Variants in UBR3 observed in about 807,000 individuals in gnomAD.
UBR3 encodes the protein ubiquitin protein ligase E3 component n-recognin 3.
Under a neutral mutation model 243.2 loss-of-function variants are expected in UBR3, and 85 were observed. That is an observed-to-expected ratio of 0.35 (90% CI 0.29 to 0.42). The LOEUF is 0.42. Ranked by LOEUF, UBR3 falls within the 10% of genes least tolerant of loss-of-function variation. The pLI, the probability that UBR3 is intolerant of heterozygous loss-of-function variation, is 1.00. For missense variants in UBR3, 1,686 were observed against 2,300.8 expected (o/e 0.73, Z 5.47); for synonymous variants, 748 against 799.8 (o/e 0.94, Z 1.09).
At chr2:169,869,698 C>T (rs909238318) in intron 1 of UBR3, among the ~76,000 whole-genome samples, 11 of 152,102 alleles carry the variant, frequency 7.2e-5, no homozygotes, top group Non-Finnish European at 1.2e-4. Context: ...TCAGTTATTT[C>T]ACTAGATATC....
At chr2:169,839,473 TG>T (rs1397543487) in intron 1 of UBR3, among the ~76,000 whole-genome samples, 1 of 151,826 alleles carries the variant, frequency 6.6e-6, no homozygotes, top group African/African-American at 2.4e-5. Flanking sequence ...GTAGGGTAAC[TG>T]TAGTTTACAA....
At chr2:169,841,325 A>G (rs1444051352) in intron 1 of UBR3, among the ~76,000 whole-genome samples, 1 of 152,052 alleles carries the variant, frequency 6.6e-6, no homozygotes, top group Non-Finnish European at 1.5e-5. Flanking sequence ...ATAGCTCTTA[A>G]ATTTTGCCTT....
At chr2:169,861,405 T>C (rs1367953880) in intron 1 of UBR3, among the ~76,000 whole-genome samples, 6 of 152,112 alleles carry the variant, frequency 3.9e-5, no homozygotes. Flanking sequence ...GTCAGGAGTT[T>C]GAGACCAGCC....
intron 22 of UBR3, 160 bp downstream of exon 22, chr2:169,947,875 C>T (rs1574263866): frequency 1.0e-6 from 1 of 984,990 alleles, no homozygotes. Flanking sequence ...TAACTTCTAC[C>T]TTACCAGTCT....
chr2:170,052,526 A>G (rs1227997644), intron 32 of UBR3, among the ~76,000 whole-genome samples: 1 of 152,242 alleles, frequency 6.6e-6, no homozygotes, highest in Non-Finnish European at 1.5e-5. Flanking sequence ...CTTAAAAAAG[A>G]AGGAAATCTT....
intron 35 of UBR3, among the ~76,000 whole-genome samples, chr2:170,065,413 A>G (rs1260657266): frequency 4.6e-5 from 7 of 152,006 alleles, no homozygotes; most frequent in African/African-American, 1.7e-4. Flanking sequence ...CAGCCTCCCA[A>G]GTAGCTCGGA....
chr2:169,982,200 C>T (rs891508587), intron 24 of UBR3, among the ~76,000 whole-genome samples: 8 of 152,096 alleles, frequency 5.3e-5, no homozygotes, highest in African/African-American at 1.9e-4. Context: ...GTTGCTTATT[C>T]CTCTTTCAAA....
chr2:169,950,064 A>C lies in UBR3; in HGVS notation c.3544A>C (p.Arg1182=). The C allele has an allele frequency of 6.5e-7, 1 of 1,540,730 alleles. No homozygotes were observed. Among genetic ancestry groups the C allele is most frequent in the African/African-American group, 1.4e-5 (1 of 71,966 alleles). The part of the protein sequence containing the change: ...AEKKTLDKEE[R]RQKARERQQK... ...GAAGAAAACATTGGACAAAGAAGAA[A>C]GGTAATTTTTATTTTTAATGTTTTA... The change falls in exon 23 of 39, where the codon AGG becomes CGG. Residue 1182 remains arginine (R), a splice_region_variant and synonymous_variant. Transcript: ENST00000272793.
intron 31 of UBR3, among the ~76,000 whole-genome samples, chr2:170,032,856 G>A (rs1489330776): frequency 5.9e-5 from 9 of 151,696 alleles, no homozygotes; most frequent in Non-Finnish European, 2.9e-5. Flanking sequence ...TTTACCCTTC[G>A]TAATTACTAA....
At chr2:170,006,922 G>A in intron 27 of UBR3, 68 bp from the exon 28 acceptor site, 1 of 1,276,016 alleles carries the variant, frequency 7.8e-7, no homozygotes, top group Non-Finnish European at 1.1e-6. Context: ...ACTATAAAAT[G>A]GGTGGTATAA....
chr2:170,010,607 G>T (rs2090054662), intron 29 of UBR3, among the ~76,000 whole-genome samples: 1 of 152,154 alleles, frequency 6.6e-6, no homozygotes, highest in African/African-American at 2.4e-5. Flanking sequence ...TCTGGATCAA[G>T]ACATTTTGGT....
chr2:169,988,234 G>A (rs536675736), intron 25 of UBR3, among the ~76,000 whole-genome samples: 10 of 152,234 alleles, frequency 6.6e-5, no homozygotes, highest in Non-Finnish European at 1.2e-4. Context: ...GTAATGATTT[G>A]TTTTATTCAT....
intron 8 of UBR3, 90 bp downstream of exon 8, chr2:169,896,825 T>C (rs777021081): frequency 2.3e-6 from 2 of 861,294 alleles, no homozygotes; most frequent in South Asian, 6.3e-5. Context: ...GTAATATTAC[T>C]AATAATGATA....
chr2:169,946,945 T>C (rs1427358917), intron 21 of UBR3, among the ~76,000 whole-genome samples: 12 of 152,128 alleles, frequency 7.9e-5, no homozygotes, highest in Non-Finnish European at 1.5e-4. Flanking sequence ...TTCAGGACTT[T>C]AGAAGTATTG....
chr2:170,057,690 C>T (rs1217965181), intron 33 of UBR3, among the ~76,000 whole-genome samples: 5 of 151,736 alleles, frequency 3.3e-5, no homozygotes, highest in Non-Finnish European at 5.9e-5. Context: ...TTCTGAACCT[C>T]GTAATTGTTA....
intron 32 of UBR3, among the ~76,000 whole-genome samples, chr2:170,052,577 C>T (rs1183172178): frequency 6.6e-6 from 1 of 152,118 alleles, no homozygotes; most frequent in Non-Finnish European, 1.5e-5. Flanking sequence ...GGACATTATG[C>T]TAAATGAAAT....
At chr2:170,043,436 CAG>C (rs2091014547) in intron 32 of UBR3, among the ~76,000 whole-genome samples, 1 of 152,018 alleles carries the variant, frequency 6.6e-6, no homozygotes, top group Admixed American at 6.6e-5. Context: ...TCAGTAGAAA[CAG>C]AGTTTAAAAA....
chr2:170,024,245 T>C (rs1024127089), intron 30 of UBR3, among the ~76,000 whole-genome samples: 10 of 145,430 alleles, frequency 6.9e-5, no homozygotes, highest in African/African-American at 2.3e-4. Context: ...TCCCAGCTAC[T>C]GGGGAGGCTG....
intron 24 of UBR3, chr2:169,964,361 A>C (rs1007716275): frequency 2.2e-6 from 1 of 461,584 alleles, no homozygotes. Context: ...ACTTTAAGAA[A>C]TTGTTTTTAT....
Sources: allele counts gnomAD v4.1 joint callset (sites outside exome capture counted in the v4.1 genomes callset), GRCh38; gene constraint gnomAD v4.1.1; transcripts MANE v1.5; gene names NCBI Gene and HGNC (gene_info 2026-07-23, HGNC 2026-07-21).